Variants in GALK2 observed in about 807,000 individuals in gnomAD.
GALK2 encodes the protein galactokinase 2.
Under a neutral mutation model 52.4 loss-of-function variants are expected in GALK2, and 36 were observed. The ratio of observed to expected loss-of-function variants is 0.69; its 90% CI spans 0.53 to 0.91. The LOEUF (loss-of-function observed/expected upper bound fraction) is 0.91, where lower values mean the gene tolerates loss of function less well. GALK2 is among the 40% of genes least tolerant of loss of function. GALK2 has a pLI of 0.00. For synonymous variants in GALK2, 176 were observed against 199.1 expected, an observed-to-expected ratio of 0.88 and a Z score of 0.98; for missense variants, 579 against 559.1, an observed-to-expected ratio of 1.04 and a Z score of -0.36.
At chr15:49,169,743 T>C (rs1418557449), upstream of GALK2, among the ~76,000 whole-genome samples, 1 of 152,226 alleles carries the variant, frequency 6.6e-6, no homozygotes. Context: ...CCAATGCCTC[T>C]AACCTGTAAA....
chr15:49,244,925 G>A (rs896700270), intron 5 of GALK2, among the ~76,000 whole-genome samples: 3 of 152,118 alleles, frequency 2.0e-5, no homozygotes, highest in African/African-American at 7.2e-5. Flanking sequence ...ATTTCACAGA[G>A]CTGTTGTAGG....
At chr15:49,261,376 A>G (rs1227187441) in intron 5 of GALK2, among the ~76,000 whole-genome samples, 81 of 146,270 alleles carry the variant, frequency 5.5e-4, no homozygotes, top group African/African-American at 1.7e-3. Flanking sequence ...TTTGTCTGTT[A>G]TTGGTGTATA....
chr15:49,252,812 T>C (rs16962205), intron 5 of GALK2, among the ~76,000 whole-genome samples: 10,021 of 144,678 alleles, frequency 0.069, 1,563 homozygotes, highest in African/African-American at 0.16. Flanking sequence ...GGATCTATTT[T>C]CCTACTACTG....
intron 3 of GALK2, among the ~76,000 whole-genome samples, chr15:49,355,139 A>G (rs2042920521): frequency 6.6e-6 from 1 of 151,710 alleles, no homozygotes; most frequent in Non-Finnish European, 1.5e-5. Flanking sequence ...AAAGATGGGG[A>G]AAAAACAGAA....
At chr15:49,222,244 G>GT (rs151019537) in intron 3 of GALK2, among the ~76,000 whole-genome samples, 9,172 of 151,918 alleles carry the variant, frequency 0.06, 552 homozygotes, top group African/African-American at 0.15. Context: ...TTGTATGTTG[G>GT]TTTTTTATAC....
intron 1 of GALK2, chr15:49,156,253 C>G: frequency 1.9e-6 from 1 of 539,054 alleles, no homozygotes; most frequent in South Asian, 2.1e-5. Flanking sequence ...GCCCTTGGGA[C>G]CAAATTAAGG....
At chr15:49,287,305 CTT>C (rs752961139) in intron 7 of GALK2, among the ~76,000 whole-genome samples, 1 of 152,116 alleles carries the variant, frequency 6.6e-6, no homozygotes, top group Non-Finnish European at 1.5e-5. Context: ...GAATTTTTCT[CTT>C]TTAAAATGTG....
intron 5 of GALK2, among the ~76,000 whole-genome samples, chr15:49,248,897 T>C (rs1464093033): frequency 6.6e-6 from 1 of 152,228 alleles, no homozygotes; most frequent in African/African-American, 2.4e-5. Flanking sequence ...TGTCACTGTT[T>C]GCAAGTGGTT....
intron 3 of GALK2, among the ~76,000 whole-genome samples, chr15:49,362,383 G>C (rs11636629): frequency 0.28 from 42,236 of 152,012 alleles, 6,386 homozygotes; most frequent in East Asian, 0.43. Context: ...GTTTCCTGAG[G>C]CTCCCCAGTC....
rs1472846709 is a variant in GALK2, at chr15:49,276,904, G to GGTTT, written c.505-5083_505-5082insGTTT. ...AGCTTTTTTCTTAATAGAATCTGAG[G>GGTTT]TTTTTTTTTTTTTTTTTTGGTTTTT... On this transcript the variant is annotated intron_variant, in intron 5 of 9. Coordinates refer to ENST00000560031, the MANE Select transcript of GALK2 (RefSeq NM_002044.4). 2.6e-4 allele frequency among the ~76,000 whole-genome samples: 20 copies of GGTTT among 77,904 alleles called. 1 individual carries two copies. In the South Asian group the frequency reaches 0.01, roughly 40 times the overall value. The allele number at this position is 77,904 out of a possible 152,430, so 51.1% of individuals were successfully genotyped here.
chr15:49,280,938 G>A (rs1302020620), intron 5 of GALK2, among the ~76,000 whole-genome samples: 1 of 152,180 alleles, frequency 6.6e-6, no homozygotes, highest in African/African-American at 2.4e-5. Context: ...CCAGGTTCAA[G>A]AGACTCTCCT....
At chr15:49,218,016 A>C (rs1261481074) in intron 3 of GALK2, among the ~76,000 whole-genome samples, 1 of 152,214 alleles carries the variant, frequency 6.6e-6, no homozygotes, top group African/African-American at 2.4e-5. Context: ...TTTCTGGGAT[A>C]AACTCTACTT....
chr15:49,298,022 G>A (rs1301713653), intron 8 of GALK2, among the ~76,000 whole-genome samples: 1 of 151,858 alleles, frequency 6.6e-6, no homozygotes, highest in Non-Finnish European at 1.5e-5. Context: ...TGGCCATTTT[G>A]ATAATATTGA....
At chr15:49,186,663 C>T (rs376487304) in intron 1 of GALK2, among the ~76,000 whole-genome samples, 27 of 151,784 alleles carry the variant, frequency 1.8e-4, no homozygotes, top group African/African-American at 6.5e-4. Context: ...CCTCAACCTC[C>T]GAGTAGCTGG....
chr15:49,332,469 G>T (rs2038971782), downstream of GALK2, among the ~76,000 whole-genome samples: 2 of 152,158 alleles, frequency 1.3e-5, no homozygotes, highest in South Asian at 2.1e-4. Context: ...ATTCATTCAA[G>T]AAATATTTAT....
At chr15:49,175,834 T>A (rs2085405422) in intron 1 of GALK2, among the ~76,000 whole-genome samples, 1 of 152,178 alleles carries the variant, frequency 6.6e-6, no homozygotes, top group African/African-American at 2.4e-5. Context: ...ACTGTGAAGA[T>A]CCCTGTCCTG....
chr15:49,347,961 G>A (rs557791930), intron 3 of GALK2, among the ~76,000 whole-genome samples: 1 of 142,722 alleles, frequency 7.0e-6, no homozygotes, highest in East Asian at 2.1e-4. Flanking sequence ...GGAGGCTGCA[G>A]TGAGCTGAGA....
chr15:49,363,587 CCT>C (rs2151424685), intron 3 of GALK2, among the ~76,000 whole-genome samples: 1 of 152,246 alleles, frequency 6.6e-6, no homozygotes, highest in African/African-American at 2.4e-5. Context: ...AGTTTAACTT[CCT>C]CTGTTCTTAT....
At chr15:49,272,359 AT>A (rs146531872) in intron 5 of GALK2, among the ~76,000 whole-genome samples, 4,702 of 152,178 alleles carry the variant, frequency 0.031, 143 homozygotes, top group African/African-American at 0.07. Context: ...TTCTTTCCCA[AT>A]TTGTTTAATT....
Sources: gnomAD v4.1 joint callset for allele counts (sites outside exome capture counted in the v4.1 genomes callset) on GRCh38, gnomAD v4.1.1 for gene constraint, MANE v1.5 for transcripts, NCBI Gene and HGNC (gene_info 2026-07-23, HGNC 2026-07-21) for gene names.